Variants in RAB3C observed in about 807,000 individuals in gnomAD.
The protein encoded by RAB3C is RAB3C, member RAS oncogene family, also known as ras-related protein Rab-3C.
A neutral mutation model predicts 26.4 loss-of-function variants in RAB3C; 17 were observed. The observed-to-expected ratio is 0.64, with a 90% confidence interval of 0.44 to 0.97. RAB3C has a LOEUF of 0.97. RAB3C is among the 50% of genes least tolerant of loss of function. RAB3C has a pLI of 0.00. For missense variants in RAB3C, 242 were observed against 281.9 expected (o/e 0.86, Z 1.01); for synonymous variants, 91 against 95.9 (o/e 0.95, Z 0.30).
chr5:58,786,580 C>G (rs1378067321), intron 3 of RAB3C, among the ~76,000 whole-genome samples: 1 of 152,110 alleles, frequency 6.6e-6, no homozygotes, highest in Non-Finnish European at 1.5e-5. Context: ...GTGTATATCT[C>G]TATGAATTCT....
intron 3 of RAB3C, among the ~76,000 whole-genome samples, chr5:58,782,582 A>T (rs1173215491): frequency 6.6e-6 from 1 of 152,132 alleles, no homozygotes; most frequent in African/African-American, 2.4e-5. Context: ...GTGACTGCTA[A>T]TGAGTTACTT....
At chr5:58,672,282 G>A (rs1748135679) in intron 2 of RAB3C, among the ~76,000 whole-genome samples, 1 of 152,174 alleles carries the variant, frequency 6.6e-6, no homozygotes, top group Non-Finnish European at 1.5e-5. Context: ...CCTGGGGTTA[G>A]ACAAACACGG....
At chr5:58,583,578 G>A (rs1202260873) in intron 1 of RAB3C, among the ~76,000 whole-genome samples, 2 of 152,154 alleles carry the variant, frequency 1.3e-5, no homozygotes, top group African/African-American at 2.4e-5. Context: ...TTGAGATCGC[G>A]GTGAAAACTC....
intron 1 of RAB3C, among the ~76,000 whole-genome samples, chr5:58,589,177 T>C (rs1746075810): frequency 6.6e-6 from 1 of 152,206 alleles, no homozygotes; most frequent in Non-Finnish European, 1.5e-5. Context: ...TCTACATCTA[T>C]TGATGTGATT....
chr5:58,623,883 A>G (rs1006032137), intron 2 of RAB3C, among the ~76,000 whole-genome samples: 1 of 152,078 alleles, frequency 6.6e-6, no homozygotes, highest in African/African-American at 2.4e-5. Flanking sequence ...CCTGATTCTC[A>G]CTAGGGTTTG....
intron 2 of RAB3C, among the ~76,000 whole-genome samples, chr5:58,633,814 A>G (rs1579828383): frequency 6.6e-6 from 1 of 152,034 alleles, no homozygotes; most frequent in Non-Finnish European, 1.5e-5. Context: ...ATGCTCGTTT[A>G]CCCTATACAT....
chr5:58,656,257 G>C (rs1284245495), intron 2 of RAB3C, among the ~76,000 whole-genome samples: 1 of 152,118 alleles, frequency 6.6e-6, no homozygotes, highest in Non-Finnish European at 1.5e-5. Flanking sequence ...TACAGAATGG[G>C]ATAAATAAAA....
At chr5:58,646,378 C>T (rs950511790) in intron 2 of RAB3C, among the ~76,000 whole-genome samples, 3 of 151,808 alleles carry the variant, frequency 2.0e-5, no homozygotes, top group Non-Finnish European at 2.9e-5. Context: ...TTCATTGAAA[C>T]AATTAGTCTA....
intron 1 of RAB3C, among the ~76,000 whole-genome samples, chr5:58,598,646 T>C (rs891174413): frequency 3.9e-5 from 6 of 152,128 alleles, no homozygotes; most frequent in Admixed American, 6.6e-5. Flanking sequence ...CCTTGTAGTG[T>C]GTCTGGATCA....
chr5:58,662,528 C>T (rs1747925772), intron 2 of RAB3C, among the ~76,000 whole-genome samples: 2 of 150,060 alleles, frequency 1.3e-5, no homozygotes, highest in Admixed American at 6.6e-5. Context: ...CTTACAGCAA[C>T]CACATGGGGA....
chr5:58,696,644 T>C (rs541287671), intron 2 of RAB3C, among the ~76,000 whole-genome samples: 149 of 152,340 alleles, frequency 9.8e-4, no homozygotes, highest in Middle Eastern at 6.8e-3. Flanking sequence ...CCTGGTTTAA[T>C]CTTGGGAGTG....
intron 3 of RAB3C, among the ~76,000 whole-genome samples, chr5:58,819,748 G>A (rs1483446677): frequency 6.6e-6 from 1 of 152,052 alleles, no homozygotes; most frequent in Non-Finnish European, 1.5e-5. Context: ...GTGTTGTGGT[G>A]CATGCCTGTA....
chr5:58,633,142 C>T (rs1747220233), intron 2 of RAB3C, among the ~76,000 whole-genome samples: 1 of 152,212 alleles, frequency 6.6e-6, no homozygotes, highest in Non-Finnish European at 1.5e-5. Flanking sequence ...AGGGAACTGA[C>T]CTGTTTTCAG....
At chr5:58,603,183 C>T (rs577703409) in intron 1 of RAB3C, among the ~76,000 whole-genome samples, 1 of 152,282 alleles carries the variant, frequency 6.6e-6, no homozygotes, top group East Asian at 1.9e-4. Flanking sequence ...GAGAAATCTG[C>T]TGTTAATCTG....
chr5:58,746,021 G>A (rs1001488432), intron 3 of RAB3C, among the ~76,000 whole-genome samples: 1 of 152,120 alleles, frequency 6.6e-6, no homozygotes, highest in African/African-American at 2.4e-5. Context: ...CCTTTTAGCT[G>A]ACTGCTTTGA....
In RAB3C at chr5:58,851,584, A is replaced by T; in HGVS notation, c.*233A>T. 2.6e-6 allele frequency: 1 copy of T among 388,344 alleles called. No individual in the cohort carries two copies. Among genetic ancestry groups the T allele is most frequent in the Non-Finnish European group, 4.6e-6 (1 of 219,674 alleles). The allele number at this position is 388,344 out of a possible 1,614,324, so 24.1% of individuals were successfully genotyped here. A position where few individuals can be genotyped will look rare whatever the true frequency, so the allele number is the denominator to read the frequency against. ...TATAAACATCTGGTACCTGCATGTG[A>T]CTTGTTATTTATTTGTCTGCTAGGC... On this transcript the variant is annotated 3_prime_UTR_variant, in exon 5 of 5. Coordinates refer to ENST00000282878, the MANE Select transcript of RAB3C (RefSeq NM_138453.4).
intron 1 of RAB3C, among the ~76,000 whole-genome samples, chr5:58,602,443 G>C (rs1395441641): frequency 6.6e-6 from 1 of 152,094 alleles, no homozygotes; most frequent in African/African-American, 2.4e-5. Flanking sequence ...TGCTGTCAGT[G>C]GAGTATTGAT....
At chr5:58,634,740 A>G (rs1747253914) in intron 2 of RAB3C, among the ~76,000 whole-genome samples, 1 of 152,156 alleles carries the variant, frequency 6.6e-6, no homozygotes, top group Non-Finnish European at 1.5e-5. Flanking sequence ...CTTGAGAAAA[A>G]TAGAAAGTTG....
At chr5:58,742,368 T>C (rs1199771589) in intron 3 of RAB3C, among the ~76,000 whole-genome samples, 1 of 151,742 alleles carries the variant, frequency 6.6e-6, no homozygotes, top group East Asian at 2.0e-4. Context: ...TAGTAAGAAA[T>C]AGAGCAACAA....
Sources: allele counts gnomAD v4.1 joint callset (sites outside exome capture counted in the v4.1 genomes callset), GRCh38; gene constraint gnomAD v4.1.1; transcripts MANE v1.5; gene names NCBI Gene and HGNC (gene_info 2026-07-23, HGNC 2026-07-21).